ADAM18: variants seen among roughly 807,000 people sequenced by gnomAD.
ADAM18 encodes the protein ADAM metallopeptidase domain 18, also known as disintegrin and metalloproteinase domain-containing protein 18.
A neutral mutation model predicts 94.4 loss-of-function variants in ADAM18; 117 were observed. The ratio of observed to expected loss-of-function variants is 1.24; its 90% CI spans 1.07 to 1.45. ADAM18 has a LOEUF of 1.45. Among genes scored for constraint, ADAM18 ranks in the 40% most tolerant of loss-of-function variants. ADAM18 has a pLI of 0.00. For missense variants in ADAM18, 936 were observed against 880.0 expected, an observed-to-expected ratio of 1.06 and a Z score of -0.81; for synonymous variants, 327 against 291.6, an observed-to-expected ratio of 1.12 and a Z score of -1.24.
chr8:39,637,224 C>G, intron 7 of ADAM18, 40 bp from the exon 8 acceptor site: 1 of 1,433,506 alleles, frequency 7.0e-7, no homozygotes, highest in South Asian at 1.3e-5. Flanking sequence ...CACATGGATT[C>G]AAAATAATAC....
chr8:39,661,319 A>ATTTTTTTTTTTTTTTTTTT (rs71518171), intron 12 of ADAM18, among the ~76,000 whole-genome samples: 2 of 112,824 alleles, frequency 1.8e-5, no homozygotes, highest in African/African-American at 4.1e-5. Flanking sequence ...CACCCGGCAA[A>ATTTTTTTTTTTTTTTTTTT]TTTTTTTTTT....
chr8:39,597,349 T>C (rs2129458186), intron 2 of ADAM18, among the ~76,000 whole-genome samples: 1 of 152,276 alleles, frequency 6.6e-6, no homozygotes, highest in Non-Finnish European at 1.5e-5. Context: ...GTCACTGCCA[T>C]AGCTAAGGTC....
intron 17 of ADAM18, among the ~76,000 whole-genome samples, chr8:39,700,781 CAT>C (rs1822045185): frequency 6.6e-6 from 1 of 151,974 alleles, no homozygotes; most frequent in Admixed American, 6.6e-5. Flanking sequence ...ACCTGCTGTT[CAT>C]ATAAGACTTA....
intron 14 of ADAM18, among the ~76,000 whole-genome samples, chr8:39,676,630 G>C (rs1197069908): frequency 6.6e-6 from 1 of 152,122 alleles, no homozygotes; most frequent in African/African-American, 2.4e-5. Context: ...CCCTGCTTCA[G>C]CTCGCCTTCC....
intron 7 of ADAM18, among the ~76,000 whole-genome samples, chr8:39,635,274 T>C (rs1820046611): frequency 6.6e-6 from 1 of 152,196 alleles, no homozygotes; most frequent in Non-Finnish European, 1.5e-5. Context: ...TTCAAGTAGA[T>C]TTTTAAAATG....
At chr8:39,713,051 T>A (rs1009843478) in intron 18 of ADAM18, among the ~76,000 whole-genome samples, 1 of 152,178 alleles carries the variant, frequency 6.6e-6, no homozygotes, top group African/African-American at 2.4e-5. Context: ...ACTACAAGGT[T>A]ACAGTAACCA....
chr8:39,648,336 T>C lies in ADAM18; in HGVS notation c.1047-8T>C. 1.3e-6 allele frequency: 2 copies of C among 1,576,126 alleles called. No individual in the cohort carries two copies. The highest frequency in any genetic ancestry group is 1.7e-6 in the Non-Finnish European group (2 of 1,160,792). On this transcript the variant is annotated splice_polypyrimidine_tract_variant and splice_region_variant and intron_variant, in intron 11 of 19. Transcript: ENST00000265707. The stretch of plus-strand genomic sequence containing the variant: ...CTTATTTGCCTGAGGAATATTATTT[T>C]ATTTTAGGAGTGCCAGTGGTAGAAA...
At chr8:39,610,477 G>A in intron 5 of ADAM18, 52 bp from the exon 6 acceptor site, 1 of 1,519,678 alleles carries the variant, frequency 6.6e-7, no homozygotes. Flanking sequence ...ATTTTGAAGG[G>A]ATCATTTGTG....
intron 12 of ADAM18, among the ~76,000 whole-genome samples, chr8:39,654,810 T>C (rs1820641819): frequency 6.6e-6 from 1 of 152,214 alleles, no homozygotes; most frequent in South Asian, 2.1e-4. Context: ...GAATGTTTTC[T>C]TCATATATCT....
intron 14 of ADAM18, 109 bp downstream of exon 14, chr8:39,668,305 A>C: frequency 9.3e-7 from 1 of 1,079,090 alleles, no homozygotes; most frequent in Non-Finnish European, 1.3e-6. Flanking sequence ...CACAAGATTA[A>C]TAAAAATTAA....
Position 39,720,296 on chromosome 8 carries a change from G to A in ADAM18, c.2018-3452G>A, listed in dbSNP as rs536572837. Among the ~76,000 whole-genome samples the A allele has an allele frequency of 4.0e-5, 6 of 151,556 alleles. 1 individual carries two copies. The South Asian group carries it at 8.3e-4, about 21-fold the overall frequency. On this transcript the variant is annotated intron_variant, in intron 18 of 19. Coordinates refer to ENST00000265707, the MANE Select transcript of ADAM18 (RefSeq NM_014237.3). Reference sequence around the variant, plus strand: ...AAGAATGCAGACCAGATTAGTGACTGCCTGTGTGGGGAGTAGCAACATGGC... The same window carrying A: ...AAGAATGCAGACCAGATTAGTGACTACCTGTGTGGGGAGTAGCAACATGGC...
intron 17 of ADAM18, among the ~76,000 whole-genome samples, chr8:39,700,802 G>A (rs1044514050): frequency 6.6e-6 from 1 of 151,852 alleles, no homozygotes; most frequent in African/African-American, 2.4e-5. Flanking sequence ...TAGAATAATT[G>A]ATTATATTTT....
At position 39,723,812 on chromosome 8, in the gene ADAM18, C is replaced by A; in HGVS notation, c.2082C>A (p.Cys694Ter). The A allele has an allele frequency of 6.3e-7, 1 of 1,586,906 alleles. No homozygotes were observed. The highest frequency in any genetic ancestry group is 8.6e-7 in the Non-Finnish European group (1 of 1,166,834). The change falls in exon 19 of 20, where the codon TGC becomes TGA. Residue 694 changes from cysteine to a stop codon, truncating the protein, a stop_gained. Coordinates refer to ENST00000265707, the MANE Select transcript of ADAM18 (RefSeq NM_014237.3). LOFTEE classifies it high-confidence loss of function. ...ACAACTGGTTTATTCTGAGTTTCTG[C>A]ATTTTTCTGCCGTTTTTCATAGTTT... ...HWNNWFILSF[C>*]IFLPFFIVFT...
intron 10 of ADAM18, among the ~76,000 whole-genome samples, chr8:39,643,940 T>C (rs1479287942): frequency 6.6e-6 from 1 of 151,856 alleles, no homozygotes; most frequent in East Asian, 1.9e-4. Flanking sequence ...GCTCTGGCTT[T>C]AACTCCTTTC....
intron 18 of ADAM18, among the ~76,000 whole-genome samples, chr8:39,721,015 C>T (rs1822728022): frequency 6.6e-6 from 1 of 151,442 alleles, no homozygotes; most frequent in African/African-American, 2.4e-5. Flanking sequence ...TATTTCTATG[C>T]AAAGGTATAG....
In ADAM18 at chr8:39,637,311, C is replaced by CCAGGTTA. The variant is rs1294622997; in HGVS notation, c.637_643dup (p.Ile215ThrfsTer28). 3 of 1,605,190 alleles carry CCAGGTTA rather than the reference C, an allele frequency of 1.9e-6. No individual in the cohort carries two copies. Among genetic ancestry groups the CCAGGTTA allele is most frequent in the Non-Finnish European group, 2.6e-6 (3 of 1,175,476 alleles). On this transcript the variant is annotated frameshift_variant, in exon 8 of 20. Transcript: ENST00000265707. LOFTEE classifies it high-confidence loss of function. Reference sequence around the variant, plus strand: ...TGATGGCTGTAACACAAAAAATTGTCCAGGTTATTGGGCTTGTCAACACTG... The same window carrying CCAGGTTA: ...TGATGGCTGTAACACAAAAAATTGTCCAGGTTACAGGTTATTGGGCTTGTCAACACTG...
intron 12 of ADAM18, 63 bp from the exon 13 acceptor site, chr8:39,663,732 A>T: frequency 9.5e-7 from 1 of 1,047,354 alleles, no homozygotes; most frequent in Non-Finnish European, 1.5e-6. Context: ...TGAAATTGAG[A>T]TTAAGAAACA....
intron 19 of ADAM18, among the ~76,000 whole-genome samples, chr8:39,724,384 TA>T (rs1284798417): frequency 6.6e-6 from 1 of 151,902 alleles, no homozygotes; most frequent in African/African-American, 2.4e-5. Context: ...GTAATCATTT[TA>T]ATGTCTGTAG....
At chr8:39,594,696 T>TC (rs954853975) in intron 2 of ADAM18, among the ~76,000 whole-genome samples, 31 of 151,860 alleles carry the variant, frequency 2.0e-4, no homozygotes, top group Non-Finnish European at 5.9e-5. Context: ...TGTTTTTTTT[T>TC]CCCTAATGGG....
Sources: gnomAD v4.1 joint callset for allele counts (sites outside exome capture counted in the v4.1 genomes callset) on GRCh38, gnomAD v4.1.1 for gene constraint, MANE v1.5 for transcripts, NCBI Gene and HGNC (gene_info 2026-07-23, HGNC 2026-07-21) for gene names.